The following SUGCT variants were observed in gnomAD, a reference collection of about 807,000 sequenced individuals.
The protein encoded by SUGCT is succinyl-CoA:glutarate CoA-transferase.
Under a neutral mutation model 55.0 loss-of-function variants are expected in SUGCT, and 41 were observed. The ratio of observed to expected loss-of-function variants is 0.74; its 90% CI spans 0.58 to 0.97. The LOEUF is 0.97. SUGCT is among the 50% of genes least tolerant of loss of function. SUGCT has a pLI of 0.00. For missense variants in SUGCT, 568 were observed against 547.8 expected, an observed-to-expected ratio of 1.04 and a Z score of -0.37; for synonymous variants, 187 against 200.4, an observed-to-expected ratio of 0.93 and a Z score of 0.56.
intron 9 of SUGCT, among the ~76,000 whole-genome samples, chr7:40,394,969 G>A (rs1785642012): frequency 6.6e-6 from 1 of 152,146 alleles, no homozygotes; most frequent in Non-Finnish European, 1.5e-5. Context: ...TTTGAATAAT[G>A]TAAGAAAGCT....
chr7:41,009,656 T>C, the SUGCT span, among the ~76,000 whole-genome samples: 1 of 151,940 alleles, frequency 6.6e-6, no homozygotes, highest in Admixed American at 6.6e-5. Context: ...CATCCATCCT[T>C]CCTTCCATCC....
intron 9 of SUGCT, among the ~76,000 whole-genome samples, chr7:40,327,824 G>T (rs1796095733): frequency 6.6e-6 from 1 of 152,118 alleles, no homozygotes; most frequent in Non-Finnish European, 1.5e-5. Flanking sequence ...ATAATTATCA[G>T]ATGTAACATT....
intron 13 of SUGCT, among the ~76,000 whole-genome samples, chr7:40,778,346 C>A (rs1236224634): frequency 6.6e-6 from 1 of 152,150 alleles, no homozygotes; most frequent in South Asian, 2.1e-4. Context: ...CATAACAGTG[C>A]GGTAGCCATT....
intron 12 of SUGCT, among the ~76,000 whole-genome samples, chr7:40,663,663 C>A (rs1801454085): frequency 6.6e-6 from 1 of 152,110 alleles, no homozygotes; most frequent in African/African-American, 2.4e-5. Flanking sequence ...TGCCCACCTG[C>A]TGGTTGTCCC....
chr7:40,688,562 A>G (rs529898148), intron 12 of SUGCT, among the ~76,000 whole-genome samples: 1 of 152,236 alleles, frequency 6.6e-6, no homozygotes, highest in East Asian at 1.9e-4. Flanking sequence ...TAATATTTAA[A>G]AGAAGATAAG....
intron 6 of SUGCT, among the ~76,000 whole-genome samples, chr7:40,195,708 CTTTTTTTTTTTT>C (rs928397687): frequency 2.9e-5 from 2 of 69,404 alleles, no homozygotes; most frequent in African/African-American, 6.0e-5. Flanking sequence ...GAAAACAATT[CTTTTTTTTTTTT>C]TTTTTTTTTT....
chr7:40,721,332 AT>A (rs901882635), intron 12 of SUGCT, among the ~76,000 whole-genome samples: 67 of 151,864 alleles, frequency 4.4e-4, no homozygotes, highest in Middle Eastern at 3.4e-3. Flanking sequence ...TTCAAGTTGC[AT>A]TTTTTTTCAT....
At chr7:40,407,445 AAT>A (rs1243497874) in intron 9 of SUGCT, among the ~76,000 whole-genome samples, 1 of 152,018 alleles carries the variant, frequency 6.6e-6, no homozygotes, top group Non-Finnish European at 1.5e-5. Context: ...GAAAATATAA[AAT>A]ATTATATTAA....
intron 1 of SUGCT, among the ~76,000 whole-genome samples, chr7:40,177,691 C>T (rs1437208621): frequency 6.6e-6 from 1 of 152,096 alleles, no homozygotes; most frequent in Non-Finnish European, 1.5e-5. Context: ...TGGTATCTTC[C>T]TTGTTGTCAT....
intron 7 of SUGCT, 80 bp downstream of exon 7, chr7:40,237,806 G>A (rs565764153): frequency 3.5e-6 from 4 of 1,133,374 alleles, no homozygotes; most frequent in African/African-American, 1.5e-5. Context: ...TAACCCATAG[G>A]ATTAAATGAG....
At chr7:40,773,546 G>A (rs1789293931) in intron 13 of SUGCT, among the ~76,000 whole-genome samples, 1 of 152,160 alleles carries the variant, frequency 6.6e-6, no homozygotes, top group South Asian at 2.1e-4. Context: ...CATAGTGATG[G>A]GAATTGTGAA....
chr7:40,777,028 A>T (rs978337019), intron 13 of SUGCT, among the ~76,000 whole-genome samples: 2 of 152,188 alleles, frequency 1.3e-5, no homozygotes, highest in African/African-American at 2.4e-5. Flanking sequence ...GATGCTGACA[A>T]TCTTAGAAGC....
At chr7:40,364,020 T>C (rs2151229946) in intron 9 of SUGCT, among the ~76,000 whole-genome samples, 1 of 151,574 alleles carries the variant, frequency 6.6e-6, no homozygotes, top group East Asian at 1.9e-4. Flanking sequence ...CATATATATT[T>C]AGGATAGTTA....
intron 12 of SUGCT, among the ~76,000 whole-genome samples, chr7:40,534,989 A>G (rs1794286210): frequency 6.6e-6 from 1 of 151,994 alleles, no homozygotes. Flanking sequence ...TTGGTGAGTG[A>G]CTCTTCTCTA....
chr7:40,335,657 A>G (rs993228385), intron 9 of SUGCT, among the ~76,000 whole-genome samples: 1 of 151,846 alleles, frequency 6.6e-6, no homozygotes, highest in Non-Finnish European at 1.5e-5. Context: ...GGCTGAGACA[A>G]TGGGTTTTCT....
chr7:40,559,979 C>T (rs187270529), intron 12 of SUGCT, among the ~76,000 whole-genome samples: 144 of 152,242 alleles, frequency 9.5e-4, no homozygotes, highest in Admixed American at 2.2e-3. Flanking sequence ...ATATTTTAAC[C>T]TTTTCTATTT....
chr7:40,759,308 T>C (rs970052818), intron 13 of SUGCT, among the ~76,000 whole-genome samples: 2 of 152,186 alleles, frequency 1.3e-5, no homozygotes, highest in African/African-American at 4.8e-5. Context: ...ATTTTGTGAA[T>C]AGGTTTTAAT....
chr7:40,713,244 C>T (rs1212762466), intron 12 of SUGCT, among the ~76,000 whole-genome samples: 1 of 152,184 alleles, frequency 6.6e-6, no homozygotes, highest in Non-Finnish European at 1.5e-5. Flanking sequence ...CTGCTGCAGG[C>T]TGACCCTCTC....
intron 9 of SUGCT, 31 bp from the exon 10 acceptor site, chr7:40,449,256 T>C (rs1471650632): frequency 6.8e-7 from 1 of 1,467,848 alleles, no homozygotes; most frequent in East Asian, 2.3e-5. Flanking sequence ...AACATATAAA[T>C]AATATTTACC....
Sources: gnomAD v4.1 joint callset for allele counts (sites outside exome capture counted in the v4.1 genomes callset) on GRCh38, gnomAD v4.1.1 for gene constraint, MANE v1.5 for transcripts, NCBI Gene and HGNC (gene_info 2026-07-23, HGNC 2026-07-21) for gene names.